SLC1A2: variants seen among roughly 807,000 people sequenced by gnomAD.
SLC1A2 encodes excitatory amino acid transporter 2.
A neutral mutation model predicts 48.8 loss-of-function variants in SLC1A2; 15 were observed. That is an observed-to-expected ratio of 0.31 (90% CI 0.21 to 0.47). SLC1A2 has a LOEUF of 0.47. Among genes scored for constraint, SLC1A2 ranks in the 20% least tolerant of loss-of-function variants. The pLI, the probability that SLC1A2 is intolerant of heterozygous loss-of-function variation, is 0.99. For synonymous variants in SLC1A2, 279 were observed against 272.6 expected (o/e 1.02, Z -0.23); for missense variants, 502 against 730.5 (o/e 0.69, Z 3.61).
At chr11:35,310,742 C>T (rs920533055) in intron 4 of SLC1A2, among the ~76,000 whole-genome samples, 1 of 152,124 alleles carries the variant, frequency 6.6e-6, no homozygotes, top group African/African-American at 2.4e-5. Flanking sequence ...TGTGTTCTAG[C>T]CTATGCTGGC....
At chr11:35,366,049 T>G (rs897413226) in intron 1 of SLC1A2, among the ~76,000 whole-genome samples, 4 of 152,180 alleles carry the variant, frequency 2.6e-5, no homozygotes, top group African/African-American at 9.7e-5. Flanking sequence ...AGTGCTGAGG[T>G]CAAAACACCC....
At chr11:35,379,143 C>T (rs1233674420) in intron 1 of SLC1A2, among the ~76,000 whole-genome samples, 2 of 152,060 alleles carry the variant, frequency 1.3e-5, no homozygotes, top group East Asian at 1.9e-4. Context: ...GCAGGAGTAT[C>T]GCTTGAAGCT....
Position 35,254,806 on chromosome 11 carries a change from G to A in SLC1A2, c.*6088C>T, listed in dbSNP as rs776882315. The A allele has an allele frequency of 1.1e-5, 5 of 455,876 alleles. No homozygotes were observed. Among genetic ancestry groups the A allele is most frequent in the Admixed American group, 4.7e-5 (2 of 42,476 alleles). 28.2% of individuals were successfully genotyped at this position (455,876 alleles called of 1,614,324 possible). On this transcript the variant is annotated 3_prime_UTR_variant, in exon 11 of 11. Coordinates refer to ENST00000278379, the MANE Select transcript of SLC1A2 (RefSeq NM_004171.4). ...CTGGTTTTATTCTCAGCACAAAAGG[G>A]CCCTGTGTAAAAACCAGAAGGATTT...
intron 3 of SLC1A2, among the ~76,000 whole-genome samples, chr11:35,312,757 A>G (rs1474893306): frequency 1.3e-5 from 2 of 152,242 alleles, no homozygotes; most frequent in South Asian, 2.1e-4. Context: ...TGTAAATGCT[A>G]TGTACATAAC....
intron 9 of SLC1A2, among the ~76,000 whole-genome samples, chr11:35,271,830 G>A (rs956175229): frequency 6.6e-5 from 10 of 152,164 alleles, no homozygotes; most frequent in African/African-American, 1.4e-4. Flanking sequence ...GCAACAGAGC[G>A]AGACTCCATC....
chr11:35,336,016 G>A (rs1419853103), intron 1 of SLC1A2, among the ~76,000 whole-genome samples: 1 of 152,176 alleles, frequency 6.6e-6, no homozygotes, highest in Non-Finnish European at 1.5e-5. Context: ...CTCCTTCAGA[G>A]GGACATGAAT....
chr11:35,340,785 C>T (rs1852809704), intron 1 of SLC1A2, among the ~76,000 whole-genome samples: 1 of 152,160 alleles, frequency 6.6e-6, no homozygotes, highest in African/African-American at 2.4e-5. Context: ...ACTAAATGAA[C>T]TTTCTTAGAA....
intron 5 of SLC1A2, among the ~76,000 whole-genome samples, chr11:35,302,067 C>T (rs190468858): frequency 5.9e-5 from 9 of 152,300 alleles, no homozygotes; most frequent in Admixed American, 5.2e-4. Context: ...GGCCAATTAG[C>T]CAATAAATTC....
In SLC1A2 at chr11:35,338,061, A is replaced by G. The variant is rs543277188; in HGVS notation, c.18-20545T>C. Among the ~76,000 whole-genome samples the G allele has an allele frequency of 1.9e-3, 285 of 152,336 alleles. 1 individual carries two copies. In the Middle Eastern group the frequency reaches 0.034, roughly 18 times the overall value. On this transcript the variant is annotated intron_variant, in intron 1 of 10. Transcript: ENST00000278379. ...TCTCTAGAATATGTGGGACAAGAAG[A>G]TTGTAGTATCTGCATAGATCAGGAG...
At position 35,332,191 on chromosome 11, in the gene SLC1A2, G is replaced by A. The variant is rs571816384; in HGVS notation, c.18-14675C>T. Among the ~76,000 whole-genome samples the A allele has an allele frequency of 3.3e-5, 5 of 152,324 alleles. No individual in the cohort carries two copies. In the East Asian group the frequency reaches 9.6e-4, roughly 29 times the overall value. On this transcript the variant is annotated intron_variant, in intron 1 of 10. Transcript: ENST00000278379. ...GCTTCTAATTACCACAAGTGATCAT[G>A]ACTTGAATTTTTATGCACTTCCTGA...
At chr11:35,356,349 G>A (rs1225120102) in intron 1 of SLC1A2, among the ~76,000 whole-genome samples, 1 of 152,170 alleles carries the variant, frequency 6.6e-6, no homozygotes, top group Non-Finnish European at 1.5e-5. Context: ...TAAGATCCTT[G>A]ACCTCATTGG....
chr11:35,389,505 T>C (rs571346782), intron 1 of SLC1A2, among the ~76,000 whole-genome samples: 1 of 152,180 alleles, frequency 6.6e-6, no homozygotes, highest in Admixed American at 6.5e-5. Flanking sequence ...AGCTTCACTC[T>C]TGTCACCCTG....
chr11:35,409,455 C>T (rs1855394434), intron 1 of SLC1A2, among the ~76,000 whole-genome samples: 1 of 152,114 alleles, frequency 6.6e-6, no homozygotes, highest in Admixed American at 6.5e-5. Flanking sequence ...TTATACTCAC[C>T]ACTCTAGATA....
At chr11:35,292,693 A>G (rs115835686) in intron 6 of SLC1A2, among the ~76,000 whole-genome samples, 173 bp from the exon 7 acceptor site, 1,703 of 152,270 alleles carry the variant, frequency 0.011, 35 homozygotes, top group African/African-American at 0.039. Flanking sequence ...CTTAACCAAA[A>G]TCTGTTTTGT....
At position 35,260,677 on chromosome 11, in the gene SLC1A2, G is replaced by C. The variant is rs16927202; in HGVS notation, c.*217C>G. 2.2e-3 allele frequency: 1,181 copies of C among 530,352 alleles called. 3 individuals carry two copies. The highest frequency in any genetic ancestry group is 3.5e-3 in the Non-Finnish European group (1,050 of 296,854). The allele number at this position is 530,352 out of a possible 1,614,324, so 32.9% of individuals were successfully genotyped here. A position where few individuals can be genotyped will look rare whatever the true frequency, so the allele number is the denominator to read the frequency against. On this transcript the variant is annotated 3_prime_UTR_variant, in exon 11 of 11. Coordinates refer to ENST00000278379, the MANE Select transcript of SLC1A2 (RefSeq NM_004171.4). ...CATCCATTCAAATAATAATACAAGTGAGAAAATTAGACGGTTATAAAGCAT... is the reference window on the plus strand; with the variant it reads ...CATCCATTCAAATAATAATACAAGTCAGAAAATTAGACGGTTATAAAGCAT...
Position 35,252,071 on chromosome 11 carries a change from C to T in SLC1A2, c.*8823G>A, listed in dbSNP as rs187896453. 1.5e-3 allele frequency: 236 copies of T among 152,692 alleles called. No individual in the cohort carries two copies. Among genetic ancestry groups the T allele is most frequent in the Non-Finnish European group, 2.6e-3 (174 of 68,018 alleles). 9.5% of individuals were successfully genotyped at this position (152,692 alleles called of 1,614,324 possible). A position where few individuals can be genotyped will look rare whatever the true frequency, so the allele number is the denominator to read the frequency against. ...TGTTCATCAGTTGCCCCTCTACAAC[C>T]GCATAAGCTGTACACTCACTATTCC... is the stretch of plus-strand genomic sequence containing the variant. On this transcript the variant is annotated 3_prime_UTR_variant, in exon 11 of 11. Coordinates refer to ENST00000278379, the MANE Select transcript of SLC1A2 (RefSeq NM_004171.4).
At chr11:35,325,874 G>A (rs1214312950) in intron 1 of SLC1A2, among the ~76,000 whole-genome samples, 2 of 145,768 alleles carry the variant, frequency 1.4e-5, no homozygotes, top group East Asian at 4.2e-4. Context: ...TGAGGCAGAA[G>A]AATCACTTGA....
Position 35,256,838 on chromosome 11 carries a change from G to C in SLC1A2, c.*4056C>G, listed in dbSNP as rs1698588097. 6.6e-6 allele frequency: 1 copy of C among 152,002 alleles called. No homozygotes were observed. The highest frequency in any genetic ancestry group is 1.5e-5 in the Non-Finnish European group (1 of 68,008). The allele number at this position is 152,002 out of a possible 1,614,324, so 9.4% of individuals were successfully genotyped here. ...ACTTCCACTGGGGTATAACTGCTGT[G>C]CACTTTTAGTCATCAAACTAGATGA... On this transcript the variant is annotated 3_prime_UTR_variant, in exon 11 of 11. Coordinates refer to ENST00000278379, the MANE Select transcript of SLC1A2 (RefSeq NM_004171.4).
In SLC1A2 at chr11:35,260,796, A is replaced by T; in HGVS notation, c.*98T>A. The T allele has an allele frequency of 1.2e-6, 1 of 867,516 alleles. No individual in the cohort carries two copies. Among genetic ancestry groups the T allele is most frequent in the Non-Finnish European group, 1.9e-6 (1 of 514,408 alleles). The allele number at this position is 867,516 out of a possible 1,614,324, so 53.7% of individuals were successfully genotyped here. On this transcript the variant is annotated 3_prime_UTR_variant, in exon 11 of 11. Transcript: ENST00000278379. ...ACAGATTAAGTAAACATAGAAATAT[A>T]CGCATTTTTTTCCTTTTTAAAGAAA...
Sources: gnomAD v4.1 joint callset for allele counts (sites outside exome capture counted in the v4.1 genomes callset) on GRCh38, gnomAD v4.1.1 for gene constraint, MANE v1.5 for transcripts, NCBI Gene and HGNC (gene_info 2026-07-23, HGNC 2026-07-21) for gene names.